Variants in PCSK2 observed in about 807,000 individuals in gnomAD.
PCSK2 encodes the protein proprotein convertase subtilisin/kexin type 2.
PCSK2 carries 14 observed loss-of-function variants against 69.7 expected under a neutral mutation model. The ratio of observed to expected loss-of-function variants is 0.20; its 90% CI spans 0.13 to 0.31. The LOEUF (loss-of-function observed/expected upper bound fraction) is 0.31, where lower values mean the gene tolerates loss of function less well. PCSK2 is among the 10% of genes least tolerant of loss of function. The pLI, the probability that PCSK2 is intolerant of heterozygous loss-of-function variation, is 1.00. For synonymous variants in PCSK2, 307 were observed against 320.7 expected (o/e 0.96, Z 0.46); for missense variants, 544 against 842.5 (o/e 0.65, Z 4.39).
At chr20:17,354,570 CAAT>C (rs1186896448) in intron 2 of PCSK2, among the ~76,000 whole-genome samples, 1 of 152,092 alleles carries the variant, frequency 6.6e-6, no homozygotes, top group Non-Finnish European at 1.5e-5. Flanking sequence ...GTTTATAACC[CAAT>C]CTGTCCGGTC....
At chr20:17,417,346 C>T (rs1279993323) in intron 6 of PCSK2, among the ~76,000 whole-genome samples, 5 of 150,008 alleles carry the variant, frequency 3.3e-5, no homozygotes, top group African/African-American at 1.2e-4. Flanking sequence ...TAAGAATTCC[C>T]AAGTGTCCAA....
chr20:17,333,926 T>TGC lies in PCSK2; in HGVS notation c.283-24401_283-24400insGC, dbSNP rs1990275276. 1.0e-4 allele frequency among the ~76,000 whole-genome samples: 14 copies of TGC among 140,044 alleles called. 2 individuals are homozygous for TGC. Among genetic ancestry groups the TGC allele is most frequent in the African/African-American group, 3.6e-4 (14 of 38,932 alleles). 91.9% of individuals were successfully genotyped at this position (140,044 alleles called of 152,430 possible). Reference sequence around the variant, plus strand: ...AAGTCACTGCATATATATATATATATATATATATATGGCTTCAAATCTAGA... The same window carrying TGC: ...AAGTCACTGCATATATATATATATATGCATATATATATGGCTTCAAATCTAGA... On this transcript the variant is annotated intron_variant, in intron 2 of 11. Transcript: ENST00000262545.
rs1189292304 is a variant in PCSK2 at position 17,227,493 on chromosome 20, C to T, written c.177+11C>T. 1 of 1,608,758 alleles carries T rather than the reference C, an allele frequency of 6.2e-7. No homozygotes were observed. Among genetic ancestry groups the T allele is most frequent in the Admixed American group, 1.7e-5 (1 of 59,858 alleles). ...TTTGGAGTCCGAAAGGTAAGCTCTC[C>T]CATGCATTTCGCATGTTGTTTCAAA... On this transcript the variant is annotated intron_variant, in intron 1 of 11. Transcript: ENST00000262545.
At chr20:17,356,360 GCCACA>G (rs2030196164) in intron 2 of PCSK2, among the ~76,000 whole-genome samples, 1 of 152,036 alleles carries the variant, frequency 6.6e-6, no homozygotes, top group Non-Finnish European at 1.5e-5. Flanking sequence ...CAGAGCCAAT[GCCACA>G]CTTAACACTT....
intron 9 of PCSK2, among the ~76,000 whole-genome samples, chr20:17,455,011 A>G (rs1469074178): frequency 1.3e-5 from 2 of 152,154 alleles, no homozygotes; most frequent in African/African-American, 4.8e-5. Context: ...CCTCCCAAAC[A>G]GAAGGGGGCT....
intron 11 of PCSK2, among the ~76,000 whole-genome samples, 196 bp from the exon 12 acceptor site, chr20:17,481,388 C>CAAAAAAAAAAAAA (rs3076146): frequency 9.1e-5 from 6 of 65,720 alleles, no homozygotes; most frequent in Admixed American, 3.3e-4. Context: ...TCTCAAAAGA[C>CAAAAAAAAAAAAA]AAAAAAAAAA....
chr20:17,367,238 G>T (rs893326409), intron 4 of PCSK2, among the ~76,000 whole-genome samples: 1 of 152,070 alleles, frequency 6.6e-6, no homozygotes, highest in African/African-American at 2.4e-5. Flanking sequence ...AAACCAAGTG[G>T]ATATTTTTTA....
In PCSK2 at chr20:17,347,927, G is replaced by T. The variant is rs60814891; in HGVS notation, c.283-10400G>T. ...AAGAAAGAAAGAAAGAAAGGAGAGA[G>T]AAAAAAGAGAAAGAAAGAAAGAAAG... On this transcript the variant is annotated intron_variant, in intron 2 of 11. Transcript: ENST00000262545. Among the ~76,000 whole-genome samples the T allele has an allele frequency of 2.1e-4, 10 of 47,602 alleles. 2 individuals carry two copies. The highest frequency in any genetic ancestry group is 4.7e-4 in the Admixed American group (2 of 4,258). 31.2% of individuals were successfully genotyped at this position (47,602 alleles called of 152,430 possible). A position where few individuals can be genotyped will look rare whatever the true frequency, so the allele number is the denominator to read the frequency against.
chr20:17,347,865 GAGAGAAA>G (rs1276981119), intron 2 of PCSK2, among the ~76,000 whole-genome samples: 1 of 43,822 alleles, frequency 2.3e-5, no homozygotes, highest in Non-Finnish European at 4.5e-5. Context: ...AGAAAGAGGA[GAGAGAAA>G]AAAGAAAGAA....
chr20:17,482,702 T>C lies in PCSK2; in HGVS notation c.*632T>C, dbSNP rs112405092. 0.03 allele frequency: 4,613 copies of C among 152,572 alleles called. 90 individuals carry two copies. The highest frequency in any genetic ancestry group is 0.068 in the Middle Eastern group (20 of 294). 9.5% of individuals were successfully genotyped at this position (152,572 alleles called of 1,614,324 possible). A position where few individuals can be genotyped will look rare whatever the true frequency, so the allele number is the denominator to read the frequency against. ...GAAGCATGAGTGCTGGATATTTTAC[T>C]ACCAATGCCAAGATAATTCACTCTA... On this transcript the variant is annotated 3_prime_UTR_variant, in exon 12 of 12. Coordinates refer to ENST00000262545, the MANE Select transcript of PCSK2 (RefSeq NM_002594.5).
At chr20:17,473,770 T>C (rs1427499982) in intron 11 of PCSK2, among the ~76,000 whole-genome samples, 1 of 152,166 alleles carries the variant, frequency 6.6e-6, no homozygotes, top group Non-Finnish European at 1.5e-5. Flanking sequence ...GAGAATGGTG[T>C]TCTTTCTCTA....
In PCSK2 at chr20:17,413,504, C is replaced by T. The variant is rs545832574; in HGVS notation, c.620+4165C>T. Among the ~76,000 whole-genome samples the T allele has an allele frequency of 6.1e-3, 927 of 152,168 alleles. 5 individuals are homozygous for T. The highest frequency in any genetic ancestry group is 0.011 in the Non-Finnish European group (716 of 67,992). The stretch of plus-strand genomic sequence containing the variant: ...CTAACTATCCTAAATATATATGCAC[C>T]CAATACAGGAGCACCCAGATTCATA... On this transcript the variant is annotated intron_variant, in intron 6 of 11. Coordinates refer to ENST00000262545, the MANE Select transcript of PCSK2 (RefSeq NM_002594.5).
chr20:17,430,336 T>A (rs993164658), intron 7 of PCSK2, among the ~76,000 whole-genome samples: 12 of 152,228 alleles, frequency 7.9e-5, no homozygotes, highest in Non-Finnish European at 1.5e-4. Flanking sequence ...AATTGATTCT[T>A]AATTTATTCA....
intron 2 of PCSK2, among the ~76,000 whole-genome samples, chr20:17,344,027 A>G (rs1267447701): frequency 1.3e-5 from 2 of 152,212 alleles, no homozygotes; most frequent in East Asian, 1.9e-4. Flanking sequence ...ATGAAAAGCC[A>G]CTTTCTCCTG....
At chr20:17,354,326 A>G (rs2030120864) in intron 2 of PCSK2, among the ~76,000 whole-genome samples, 2 of 152,210 alleles carry the variant, frequency 1.3e-5, no homozygotes, top group Admixed American at 1.3e-4. Flanking sequence ...TTTTCTGAGA[A>G]GGGGAATAAT....
At chr20:17,247,596 T>C (rs1986814787) in intron 1 of PCSK2, among the ~76,000 whole-genome samples, 1 of 152,192 alleles carries the variant, frequency 6.6e-6, no homozygotes, top group Non-Finnish European at 1.5e-5. Flanking sequence ...AAGAGTCTGA[T>C]CCGGGAAGCC....
At chr20:17,289,951 G>A (rs919764550) in intron 2 of PCSK2, among the ~76,000 whole-genome samples, 3 of 152,314 alleles carry the variant, frequency 2.0e-5, no homozygotes, top group South Asian at 4.1e-4. Flanking sequence ...ATTTGCAGAA[G>A]ATAAATTTCT....
chr20:17,409,678 G>A (rs56062611), intron 6 of PCSK2, among the ~76,000 whole-genome samples: 12,978 of 152,254 alleles, frequency 0.085, 636 homozygotes, highest in Middle Eastern at 0.22. Context: ...TGAAACTGTC[G>A]TAGAGAAGTA....
chr20:17,305,819 T>C (rs1012733779), intron 2 of PCSK2, among the ~76,000 whole-genome samples: 3 of 152,246 alleles, frequency 2.0e-5, no homozygotes, highest in African/African-American at 7.2e-5. Context: ...AAAAGCTTTA[T>C]CAATTCACTG....
Sources: allele counts gnomAD v4.1 joint callset (sites outside exome capture counted in the v4.1 genomes callset), GRCh38; gene constraint gnomAD v4.1.1; transcripts MANE v1.5; gene names NCBI Gene and HGNC (gene_info 2026-07-23, HGNC 2026-07-21).